Variants in RDH12 observed in about 807,000 individuals in gnomAD.
RDH12 encodes the protein retinol dehydrogenase 12.
RDH12 carries 21 observed loss-of-function variants against 34.0 expected under a neutral mutation model. The observed-to-expected ratio is 0.62, with a 90% CI of 0.44 to 0.89. RDH12 has a LOEUF of 0.89. Among genes scored for constraint, RDH12 ranks in the 40% least tolerant of loss-of-function variants. The pLI, the probability that RDH12 is intolerant of heterozygous loss-of-function variation, is 0.00. For synonymous variants in RDH12, 198 were observed against 169.9 expected (o/e 1.17, Z -1.29); for missense variants, 394 against 398.6 (o/e 0.99, Z 0.10).
chr14:67,715,656 T>C (rs2038060362), intron 1 of RDH12, among the ~76,000 whole-genome samples: 1 of 152,202 alleles, frequency 6.6e-6, no homozygotes, highest in African/African-American at 2.4e-5. Context: ...TCGTTCTTTT[T>C]GTAAGTATCT....
chr14:67,724,422 T>C (rs1476610909), intron 3 of RDH12, 51 bp from the exon 4 acceptor site: 7 of 1,143,992 alleles, frequency 6.1e-6, no homozygotes, highest in African/African-American at 4.5e-5. Flanking sequence ...CGTATCTTAG[T>C]GTGAGCTCGT....
rs764189130 is a variant in RDH12, at chr14:67,725,244, C to T, written c.333C>T (p.Gly111=). The T allele has an allele frequency of 6.2e-7, 1 of 1,613,146 alleles. No individual in the cohort carries two copies. Among genetic ancestry groups the T allele is most frequent in the Non-Finnish European group, 8.5e-7 (1 of 1,180,010 alleles). ...AATCTATCCGAGCCTTTGCTGAGGG[C>T]TTTCTGGCAGGTGAGGTCCTGATGG... is the stretch of plus-strand genomic sequence containing the variant. ...DTKSIRAFAE[G]FLAEEKQLHI... is the part of the protein sequence containing the mutation. Residue 111 remains glycine, a synonymous_variant, in exon 5 of 9, where the codon GGC becomes GGT. Coordinates refer to ENST00000551171, the MANE Select transcript of RDH12 (RefSeq NM_152443.3).
intron 8 of RDH12, 23 bp from the exon 9 acceptor site, chr14:67,733,723 T>C (rs762664846): frequency 6.6e-7 from 1 of 1,520,678 alleles, no homozygotes; most frequent in South Asian, 1.1e-5. Flanking sequence ...TCCTGGAATT[T>C]ACTGTCTTTC....
rs143974932 is a variant in RDH12, at chr14:67,705,530, C to T, written c.-275+3595C>T. Reference sequence around the variant, plus strand: ...AAACGTGACCTGTAGGTTATCACAACTAAATGCAATGTGGGGTCCTGAATT... The same window carrying T: ...AAACGTGACCTGTAGGTTATCACAATTAAATGCAATGTGGGGTCCTGAATT... On this transcript the variant is annotated intron_variant, in intron 1 of 8. Coordinates refer to ENST00000551171, the MANE Select transcript of RDH12 (RefSeq NM_152443.3). Among the ~76,000 whole-genome samples the T allele has an allele frequency of 1.4e-3, 217 of 152,316 alleles. 2 individuals carry two copies. Among genetic ancestry groups the T allele is most frequent in the Admixed American group, 9.6e-3 (147 of 15,294 alleles).
chr14:67,725,568 C>T (rs2038175747), intron 5 of RDH12, among the ~76,000 whole-genome samples: 1 of 152,160 alleles, frequency 6.6e-6, no homozygotes, highest in African/African-American at 2.4e-5. Flanking sequence ...CCTTGTGTGG[C>T]CATAGGCATG....
chr14:67,709,013 G>A (rs1484797350), intron 1 of RDH12, among the ~76,000 whole-genome samples: 2 of 152,122 alleles, frequency 1.3e-5, no homozygotes, highest in African/African-American at 2.4e-5. Flanking sequence ...GGATGGTCTC[G>A]ATCTTTTGAC....
intron 1 of RDH12, chr14:67,714,488 TAA>T (rs1029640576): frequency 1.3e-5 from 2 of 152,528 alleles, no homozygotes; most frequent in Admixed American, 1.3e-4. Flanking sequence ...TTCTTTTTAT[TAA>T]AAAGAGTTCC....
rs797044761 is a variant in RDH12 at position 67,725,120 on chromosome 14, G to GC, written c.210dup (p.Arg71GlnfsTer12). ...CCAGGAGCCCGAGTCTATATTGCCT[G>GC]CAGAGATGTACTGAAGGGGGAGTCT... is the stretch of plus-strand genomic sequence containing the variant. On this transcript the variant is annotated frameshift_variant, in exon 5 of 9. Transcript: ENST00000551171. LOFTEE classifies it high-confidence loss of function. 8 of 1,614,190 alleles carry GC rather than the reference G, an allele frequency of 5.0e-6. No homozygotes were observed. The Admixed American group carries it at 1.2e-4, about 24-fold the overall frequency.
At chr14:67,706,378 G>C (rs1301556109) in intron 1 of RDH12, 1 of 152,226 alleles carries the variant, frequency 6.6e-6, no homozygotes, top group African/African-American at 2.4e-5. Context: ...GGTTGAGGAC[G>C]TGTCCCCACG....
At chr14:67,727,570 C>T in intron 7 of RDH12, 1 of 283,900 alleles carries the variant, frequency 3.5e-6, no homozygotes, top group Non-Finnish European at 6.8e-6. Flanking sequence ...GCGACCTCTG[C>T]CTCCTGGGTT....
chr14:67,733,427 T>C (rs903152253), intron 8 of RDH12, among the ~76,000 whole-genome samples: 3 of 152,234 alleles, frequency 2.0e-5, no homozygotes, highest in African/African-American at 7.2e-5. Flanking sequence ...AATAGAATTA[T>C]AAATATTTTT....
At chr14:67,733,318 T>A (rs1408480059) in intron 8 of RDH12, among the ~76,000 whole-genome samples, 2 of 152,202 alleles carry the variant, frequency 1.3e-5, no homozygotes, top group Non-Finnish European at 2.9e-5. Flanking sequence ...AATAACTTCA[T>A]CTTTAATTTA....
intron 8 of RDH12, chr14:67,729,677 T>C (rs1790276670): frequency 1.7e-6 from 1 of 581,096 alleles, no homozygotes; most frequent in Admixed American, 2.3e-5. Flanking sequence ...GCCATGGAGA[T>C]CTGGATCGTT....
At chr14:67,732,417 G>A (rs1333277814) in intron 8 of RDH12, among the ~76,000 whole-genome samples, 5 of 120,410 alleles carry the variant, frequency 4.2e-5, no homozygotes, top group Non-Finnish European at 6.8e-5. Flanking sequence ...GTGATGAAGT[G>A]AGACCCTATC....
intron 1 of RDH12, among the ~76,000 whole-genome samples, chr14:67,714,086 A>G (rs563553822): frequency 1.2e-3 from 178 of 152,204 alleles, no homozygotes; most frequent in African/African-American, 3.9e-3. Context: ...AGTAGCAACT[A>G]TTAGATTTAA....
At chr14:67,721,530 C>T (rs1324841995) in intron 2 of RDH12, among the ~76,000 whole-genome samples, 2 of 152,062 alleles carry the variant, frequency 1.3e-5, no homozygotes, top group Non-Finnish European at 2.9e-5. Flanking sequence ...TTGTATTTCT[C>T]CTCATCTTCA....
At chr14:67,715,834 C>T (rs1161915859) in intron 1 of RDH12, among the ~76,000 whole-genome samples, 1 of 152,172 alleles carries the variant, frequency 6.6e-6, no homozygotes, top group Non-Finnish European at 1.5e-5. Context: ...TTCATGCAAA[C>T]CTTGGTTCCA....
At chr14:67,711,167 A>T (rs1247238998) in intron 1 of RDH12, among the ~76,000 whole-genome samples, 1 of 152,234 alleles carries the variant, frequency 6.6e-6, no homozygotes. Flanking sequence ...AGTTATGGTA[A>T]TCTTACTAAA....
rs947045613 is a variant in RDH12, at chr14:67,718,106, T to C, written c.-274-2742T>C. 2.6e-5 allele frequency among the ~76,000 whole-genome samples: 4 copies of C among 152,282 alleles called. No individual in the cohort carries two copies. The East Asian group carries it at 5.8e-4, about 22-fold the overall frequency. ...ACAAATACAAAAAAATGTGCTTCCA[T>C]TTTGGTTTGCTGTTTGGGGTCAGGG... On this transcript the variant is annotated intron_variant, in intron 1 of 8. Coordinates refer to ENST00000551171, the MANE Select transcript of RDH12 (RefSeq NM_152443.3).
Sources: allele counts gnomAD v4.1 joint callset (sites outside exome capture counted in the v4.1 genomes callset), GRCh38; gene constraint gnomAD v4.1.1; transcripts MANE v1.5; gene names NCBI Gene and HGNC (gene_info 2026-07-23, HGNC 2026-07-21).